Variants in ABLIM2 observed in about 807,000 individuals in gnomAD.
The protein encoded by ABLIM2 is actin-binding LIM protein 2.
ABLIM2 carries 53 observed loss-of-function variants against 97.7 expected under a neutral mutation model. The observed-to-expected ratio is 0.54, with a 90% confidence interval of 0.44 to 0.68. The LOEUF is 0.68. Ranked by LOEUF, ABLIM2 falls within the 30% of genes least tolerant of loss-of-function variation. The pLI is 0.00. For synonymous variants in ABLIM2, 361 were observed against 345.8 expected, an observed-to-expected ratio of 1.04 and a Z score of -0.49; for missense variants, 835 against 867.2, an observed-to-expected ratio of 0.96 and a Z score of 0.47.
rs574445397 is a variant in ABLIM2, at chr4:8,058,626, T to A, written c.763+2341A>T. 4.6e-4 allele frequency among the ~76,000 whole-genome samples: 70 copies of A among 152,244 alleles called. No homozygotes were observed. The highest frequency in any genetic ancestry group is 1.6e-3 in the African/African-American group (67 of 41,550). On this transcript the variant is annotated intron_variant, in intron 7 of 20. Coordinates refer to ENST00000447017, the MANE Select transcript of ABLIM2 (RefSeq NM_001130083.2). This position sits in a 1 kb window ranked among gnomAD's most constrained non-coding sequence, Gnocchi z 4.2. Reference sequence around the variant, plus strand: ...CCATCATCAAGTCTGGGGGCTGCACTCCAGCACATGGCCCCTGTCCCACCA... The same window carrying A: ...CCATCATCAAGTCTGGGGGCTGCACACCAGCACATGGCCCCTGTCCCACCA...
At chr4:8,049,288 G>A (rs896566474) in intron 8 of ABLIM2, among the ~76,000 whole-genome samples, 11 of 152,240 alleles carry the variant, frequency 7.2e-5, no homozygotes, top group South Asian at 2.1e-4. Context: ...TCAAACGCCT[G>A]AGGCGGGGGC....
chr4:8,086,018 C>T (rs1448600437), intron 4 of ABLIM2, among the ~76,000 whole-genome samples: 1 of 152,172 alleles, frequency 6.6e-6, no homozygotes, highest in African/African-American at 2.4e-5. Context: ...CCAGGCACAG[C>T]TGCTGAGAAA....
At chr4:7,993,760 A>T (rs988743116) in intron 16 of ABLIM2, among the ~76,000 whole-genome samples, 10 of 152,200 alleles carry the variant, frequency 6.6e-5, no homozygotes, top group Admixed American at 5.2e-4. Flanking sequence ...TTCTCGTGAA[A>T]TAATAGAGGG....
rs1376711835 is a variant in ABLIM2, at chr4:8,128,190, G to A, written c.11-21553C>T. Among the ~76,000 whole-genome samples, 3 of 152,164 alleles carry A rather than the reference G, an allele frequency of 2.0e-5. No homozygotes were observed. Among genetic ancestry groups the A allele is most frequent in the Non-Finnish European group, 4.4e-5 (3 of 68,042 alleles). On this transcript the variant is annotated intron_variant, in intron 1 of 20. Transcript: ENST00000447017. The surrounding 1 kb of genome is among the most constrained non-coding windows in gnomAD (Gnocchi z 4.9). ...CCTTCACAGGCCGTCTTCCCTGTGT[G>A]TCTCTGCGTGTCCTTTTTAGTCTCT...
intron 14 of ABLIM2, among the ~76,000 whole-genome samples, chr4:8,013,277 C>T (rs986542427): frequency 2.4e-4 from 32 of 132,116 alleles, no homozygotes; most frequent in Non-Finnish European, 4.0e-4. Context: ...GGCTGGAGTG[C>T]AATGGCGCAA....
In ABLIM2 at chr4:8,067,199, G is replaced by C. The variant is rs1808475660; in HGVS notation, c.676-6145C>G. 6.6e-6 allele frequency: 1 copy of C among 152,260 alleles called. No homozygotes were observed. Among genetic ancestry groups the C allele is most frequent in the South Asian group, 2.1e-4 (1 of 4,830 alleles). 9.4% of individuals were successfully genotyped at this position (152,260 alleles called of 1,614,324 possible). ...TCCATGGGCCATGGGGACAATCGGGGACATTTGTGGCTGAGCCCCTGCAGG... is the reference window on the plus strand; with the variant it reads ...TCCATGGGCCATGGGGACAATCGGGCACATTTGTGGCTGAGCCCCTGCAGG... On this transcript the variant is annotated intron_variant, in intron 6 of 20. Coordinates refer to ENST00000447017, the MANE Select transcript of ABLIM2 (RefSeq NM_001130083.2). This position sits in a 1 kb window ranked among gnomAD's most constrained non-coding sequence, Gnocchi z 5.4.
chr4:8,097,797 C>T (rs1832497377), intron 2 of ABLIM2, among the ~76,000 whole-genome samples: 1 of 152,176 alleles, frequency 6.6e-6, no homozygotes. Context: ...CTTCCCACCC[C>T]CTCCCCCACT....
chr4:8,129,684 C>A (rs188816202), intron 1 of ABLIM2, among the ~76,000 whole-genome samples: 29 of 152,306 alleles, frequency 1.9e-4, no homozygotes, highest in Non-Finnish European at 4.0e-4. Context: ...CCTGCGGACA[C>A]ACCTTTCAGC....
At chr4:8,143,105 T>C (rs1213344597) in intron 1 of ABLIM2, among the ~76,000 whole-genome samples, 3 of 144,128 alleles carry the variant, frequency 2.1e-5, no homozygotes, top group Non-Finnish European at 4.5e-5. Context: ...TGGCTAAACG[T>C]CTTGAAAAGG....
chr4:8,024,661 G>A (rs568483992), intron 12 of ABLIM2, among the ~76,000 whole-genome samples: 296 of 152,338 alleles, frequency 1.9e-3, no homozygotes, highest in South Asian at 3.9e-3. Flanking sequence ...TGGCCTCCGA[G>A]GTCGACCCAG....
intron 8 of ABLIM2, among the ~76,000 whole-genome samples, chr4:8,045,662 G>GAATA (rs1303341832): frequency 9.2e-5 from 14 of 151,992 alleles, no homozygotes; most frequent in African/African-American, 1.2e-4. Context: ...ATGAATGAAT[G>GAATA]AATAAATAAA....
At position 8,080,699 on chromosome 4, in the gene ABLIM2, G is replaced by T. The variant is rs758012818; in HGVS notation, c.558C>A (p.Leu186=). 1.9e-6 allele frequency: 3 copies of T among 1,610,166 alleles called. No homozygotes were observed. The highest frequency in any genetic ancestry group is 2.5e-6 in the Non-Finnish European group (3 of 1,177,326). ...ACTTGCTGATGTACTCGGCATTCAG[G>T]AGCTTCCCACAGCTCTTGCACTTAA... ...GCFKCKSCGK[L]LNAEYISKDG... is the part of the protein sequence containing the mutation. The change falls in exon 5 of 21, where the codon CTC becomes CTA. Residue 186 remains leucine, a synonymous_variant. Coordinates refer to ENST00000447017, the MANE Select transcript of ABLIM2 (RefSeq NM_001130083.2).
intron 20 of ABLIM2, among the ~76,000 whole-genome samples, chr4:7,973,075 C>CTCTGTGTGTGTGTGTGTGTG (rs746286244): frequency 8.1e-6 from 1 of 123,978 alleles, no homozygotes; most frequent in African/African-American, 3.1e-5. Context: ...GCTCCCCTTG[C>CTCTGTGTGTGTGTGTGTGTG]TGTGTGTGTG....
Position 8,083,465 on chromosome 4 carries a change from A to G in ABLIM2, c.455-2663T>C, listed in dbSNP as rs1446441261. On this transcript the variant is annotated intron_variant, in intron 4 of 20. Coordinates refer to ENST00000447017, the MANE Select transcript of ABLIM2 (RefSeq NM_001130083.2). The surrounding 1 kb of genome is among the most constrained non-coding windows in gnomAD (Gnocchi z 4.6). ...CATCTCCGCCACTCTGCCTCCTACC[A>G]TATTGGCCGGCGCCCTCCCCTGCCA... Among the ~76,000 whole-genome samples, 16 of 151,958 alleles carry G rather than the reference A, an allele frequency of 1.1e-4. 1 individual carries two copies.
In ABLIM2 at chr4:8,130,558, C is replaced by T. The variant is rs1849216411; in HGVS notation, c.11-23921G>A. On this transcript the variant is annotated intron_variant, in intron 1 of 20. Transcript: ENST00000447017. The surrounding 1 kb of genome is among the most constrained non-coding windows in gnomAD (Gnocchi z 4.2). Reference sequence around the variant, plus strand: ...CACTGTGAGGTGGCGCCACGCTTGGCCCCGCATTACTGGGACTTGAAGGGA... The same window carrying T: ...CACTGTGAGGTGGCGCCACGCTTGGTCCCGCATTACTGGGACTTGAAGGGA... 1.3e-5 allele frequency among the ~76,000 whole-genome samples: 2 copies of T among 152,026 alleles called. No homozygotes were observed. The highest frequency in any genetic ancestry group is 4.8e-5 in the African/African-American group (2 of 41,392).
At chr4:8,086,349 CT>C (rs1228215168) in intron 4 of ABLIM2, among the ~76,000 whole-genome samples, 21,919 of 122,886 alleles carry the variant, frequency 0.18, 1,570 homozygotes, top group Non-Finnish European at 0.26. Flanking sequence ...TCCCCTCCCA[CT>C]TTTTTTTTTT....
At position 8,085,693 on chromosome 4, in the gene ABLIM2, G is replaced by A. The variant is rs916481204; in HGVS notation, c.454+2476C>T. Among the ~76,000 whole-genome samples, 10 of 148,260 alleles carry A rather than the reference G, an allele frequency of 6.7e-5. No individual in the cohort carries two copies. The highest frequency in any genetic ancestry group is 1.3e-4 in the Non-Finnish European group (9 of 67,074). On this transcript the variant is annotated intron_variant, in intron 4 of 20. Transcript: ENST00000447017. This position sits in a 1 kb window ranked among gnomAD's most constrained non-coding sequence, Gnocchi z 6.1. ...CGTCCACTCACGTGGGTCTGGGGGT[G>A]CCCACGCTGCAGCCCCGTCCACTCA...
At chr4:7,977,790 C>CAATAAATAATAAATA (rs1553886718) in intron 20 of ABLIM2, among the ~76,000 whole-genome samples, 3 of 142,304 alleles carry the variant, frequency 2.1e-5, no homozygotes, top group African/African-American at 7.9e-5. Context: ...GACTCTGTCT[C>CAATAAATAATAAATA]AATAAATAAA....
At position 8,015,709 on chromosome 4, in the gene ABLIM2, G is replaced by T. The variant is rs940054188; in HGVS notation, c.1423+3909C>A. ...AGTGGTGGGAGGTGTGTGTTGGGGG[G>T]TGAGGAGAGAGCTGCATTGCCATCT... On this transcript the variant is annotated intron_variant, in intron 14 of 20. Transcript: ENST00000447017. This position sits in a 1 kb window ranked among gnomAD's most constrained non-coding sequence, Gnocchi z 4.6. Among the ~76,000 whole-genome samples the T allele has an allele frequency of 1.3e-5, 2 of 152,164 alleles. No individual in the cohort carries two copies. Among genetic ancestry groups the T allele is most frequent in the African/African-American group, 2.4e-5 (1 of 41,440 alleles).
Sources: gnomAD v4.1 joint callset for allele counts (sites outside exome capture counted in the v4.1 genomes callset) on GRCh38, gnomAD v4.1.1 for gene constraint, Gnocchi (gnomAD v3.1) non-coding constraint, MANE v1.5 for transcripts, NCBI Gene and HGNC (gene_info 2026-07-23, HGNC 2026-07-21) for gene names.